Variants in RWDD2A observed in about 807,000 individuals in gnomAD.
The protein encoded by RWDD2A is RWD domain-containing protein 2A.
Under a neutral mutation model 23.1 loss-of-function variants are expected in RWDD2A, and 15 were observed. The observed-to-expected ratio is 0.65, with a 90% CI of 0.43 to 1.00. The LOEUF (loss-of-function observed/expected upper bound fraction) is 1.00. Ranked by LOEUF, RWDD2A falls within the 50% of genes least tolerant of loss-of-function variation. The probability of loss-of-function intolerance (pLI) is 0.00; values close to 1 mark genes in which losing one functional copy is unlikely to be tolerated. For missense variants in RWDD2A, 310 were observed against 341.7 expected, an observed-to-expected ratio of 0.91 and a Z score of 0.73; for synonymous variants, 103 against 123.0, an observed-to-expected ratio of 0.84 and a Z score of 1.08.
In RWDD2A at chr6:83,196,295, C is replaced by T; in HGVS notation, c.*23C>T. On this transcript the variant is annotated 3_prime_UTR_variant, in exon 3 of 3. Transcript: ENST00000369724. ...TAAAAAGCGATTAAGAGGCCTATGC[C>T]TGTAATTTCACTAAGTCAGTATTTC... 6.7e-7 allele frequency: 1 copy of T among 1,496,566 alleles called. No homozygotes were observed. The highest frequency in any genetic ancestry group is 8.9e-7 in the Non-Finnish European group (1 of 1,120,128). 92.7% of individuals were successfully genotyped at this position (1,496,566 alleles called of 1,614,324 possible).
intron 2 of RWDD2A, among the ~76,000 whole-genome samples, chr6:83,195,079 T>A (rs1455752453): frequency 6.6e-6 from 1 of 152,254 alleles, no homozygotes; most frequent in Non-Finnish European, 1.5e-5. Flanking sequence ...TACCTCCATC[T>A]TCTGATCCAT....
At chr6:83,194,142 C>T (rs765778388) in intron 1 of RWDD2A, among the ~76,000 whole-genome samples, 170 bp from the exon 2 acceptor site, 2 of 151,976 alleles carry the variant, frequency 1.3e-5, no homozygotes, top group Non-Finnish European at 2.9e-5. Flanking sequence ...TTCCAAACAC[C>T]TGTTGAAAGT....
intron 2 of RWDD2A, 36 bp from the exon 3 acceptor site, chr6:83,195,559 T>A (rs755203605): frequency 6.4e-7 from 1 of 1,554,636 alleles, no homozygotes; most frequent in Non-Finnish European, 8.8e-7. Context: ...TTATGTGATG[T>A]TATGGTATTT....
Position 83,196,353 on chromosome 6 carries a change from C to T in RWDD2A, c.*81C>T, listed in dbSNP as rs1789588738. The T allele has an allele frequency of 1.7e-6, 2 of 1,201,408 alleles. No individual in the cohort carries two copies. Among genetic ancestry groups the T allele is most frequent in the East Asian group, 2.4e-5 (1 of 41,086 alleles). 74.4% of individuals were successfully genotyped at this position (1,201,408 alleles called of 1,614,324 possible). On this transcript the variant is annotated 3_prime_UTR_variant, in exon 3 of 3. Transcript: ENST00000369724. Reference sequence around the variant, plus strand: ...AAGACCAAATTAAAAAGGCTAGTGGCTGTGTAGCATCCTCAGTGCAAAACC... The same window carrying T: ...AAGACCAAATTAAAAAGGCTAGTGGTTGTGTAGCATCCTCAGTGCAAAACC...
rs1789620623 is a variant in RWDD2A, at chr6:83,197,220, T to C, written c.*948T>C. The C allele has an allele frequency of 6.6e-6, 1 of 152,232 alleles. No homozygotes were observed. The highest frequency in any genetic ancestry group is 2.1e-4 in the South Asian group (1 of 4,828). The allele number at this position is 152,232 out of a possible 1,614,324, so 9.4% of individuals were successfully genotyped here. ...ACATGGTTCCTTGTCTACAAAGTAT[T>C]CGCCTGTTTCAATCCAACCTTTGCC... is the stretch of plus-strand genomic sequence containing the variant. On this transcript the variant is annotated 3_prime_UTR_variant, in exon 3 of 3. Coordinates refer to ENST00000369724, the MANE Select transcript of RWDD2A (RefSeq NM_033411.5).
At position 83,194,507 on chromosome 6, in the gene RWDD2A, T is replaced by A. The variant is rs934426760; in HGVS notation, c.56T>A (p.Leu19Gln). 9.9e-6 allele frequency: 16 copies of A among 1,613,958 alleles called. No homozygotes were observed. The highest frequency in any genetic ancestry group is 1.4e-5 in the Non-Finnish European group (16 of 1,180,012). Reference sequence around the variant, plus strand: ...CTTCAGCTACTGGAGATGGAAATGCTGTTTTCTATGTTTCCTAACCAAGGA... The same window carrying A: ...CTTCAGCTACTGGAGATGGAAATGCAGTTTTCTATGTTTCCTAACCAAGGA... ...LQLQLLEMEM[L>Q]FSMFPNQGEV... The change falls in exon 2 of 3, where the codon CTG becomes CAG. Residue 19 changes from leucine to glutamine, a missense_variant. Physicochemically the swap from Leu to Gln is moderately radical, Grantham distance 113 (BLOSUM62 -2). Coordinates refer to ENST00000369724, the MANE Select transcript of RWDD2A (RefSeq NM_033411.5).
Position 83,196,534 on chromosome 6 carries a change from T to C in RWDD2A, c.*262T>C. On this transcript the variant is annotated 3_prime_UTR_variant, in exon 3 of 3. Transcript: ENST00000369724. ...TTGTAAATTAATAAAAACAATCCATTTAACTTGTGAAGCTGATTTGATTGA... is the reference window on the plus strand; with the variant it reads ...TTGTAAATTAATAAAAACAATCCATCTAACTTGTGAAGCTGATTTGATTGA... 1 of 235,432 alleles carries C rather than the reference T, an allele frequency of 4.2e-6. No homozygotes were observed. The highest frequency in any genetic ancestry group is 8.1e-6 in the Non-Finnish European group (1 of 123,006). The allele number at this position is 235,432 out of a possible 1,614,324, so 14.6% of individuals were successfully genotyped here. A position where few individuals can be genotyped will look rare whatever the true frequency, so the allele number is the denominator to read the frequency against.
In RWDD2A at chr6:83,196,469, T is replaced by C. The variant is rs997957086; in HGVS notation, c.*197T>C. ...TTATAACATTGCAATTGTGATGTTA[T>C]CTCTAGGTTTTTGTGTGAAGTCATT... is the stretch of plus-strand genomic sequence containing the variant. On this transcript the variant is annotated 3_prime_UTR_variant, in exon 3 of 3. Transcript: ENST00000369724. 5.5e-6 allele frequency: 2 copies of C among 362,338 alleles called. No individual in the cohort carries two copies. Among genetic ancestry groups the C allele is most frequent in the Admixed American group, 4.6e-5 (1 of 21,926 alleles). The allele number at this position is 362,338 out of a possible 1,614,324, so 22.4% of individuals were successfully genotyped here.
rs917251591 is a variant in RWDD2A at position 83,193,409 on chromosome 6, G to A, written c.-175G>A. 2 of 152,290 alleles carry A rather than the reference G, an allele frequency of 1.3e-5. No homozygotes were observed. The highest frequency in any genetic ancestry group is 2.4e-5 in the African/African-American group (1 of 41,472). The allele number at this position is 152,290 out of a possible 1,614,324, so 9.4% of individuals were successfully genotyped here. Reference sequence around the variant, plus strand: ...GAACTGCGGCTGCGGTTCCGAGCGGGGTCTGGGGCTGTTACCATTGAGTGA... The same window carrying A: ...GAACTGCGGCTGCGGTTCCGAGCGGAGTCTGGGGCTGTTACCATTGAGTGA... On this transcript the variant is annotated 5_prime_UTR_variant, in exon 1 of 3. Transcript: ENST00000369724.
In RWDD2A at chr6:83,196,124, A is replaced by G; in HGVS notation, c.731A>G (p.Glu244Gly). 1 of 1,614,096 alleles carries G rather than the reference A, an allele frequency of 6.2e-7. No homozygotes were observed. The highest frequency in any genetic ancestry group is 1.1e-5 in the South Asian group (1 of 91,050). Reference sequence around the variant, plus strand: ...CTGCGCCTTTTCCATTCTTTTGAAGAGTTACTCCTTGAGGCTCATGGTGAC... The same window carrying G: ...CTGCGCCTTTTCCATTCTTTTGAAGGGTTACTCCTTGAGGCTCATGGTGAC... ...EDLRLFHSFE[E>G]LLLEAHGDYG... Residue 244 changes from glutamate (E) to glycine (G), a missense_variant, in exon 3 of 3, where the codon GAG becomes GGG. Coordinates refer to ENST00000369724, the MANE Select transcript of RWDD2A (RefSeq NM_033411.5).
Position 83,198,050 on chromosome 6 carries a change from G to C in RWDD2A, c.*1778G>C, listed in dbSNP as rs1245076892. The C allele has an allele frequency of 6.6e-6, 1 of 152,186 alleles. No individual in the cohort carries two copies. The highest frequency in any genetic ancestry group is 1.5e-5 in the Non-Finnish European group (1 of 68,044). 9.4% of individuals were successfully genotyped at this position (152,186 alleles called of 1,614,324 possible). A position where few individuals can be genotyped will look rare whatever the true frequency, so the allele number is the denominator to read the frequency against. ...AAGAAATAGGACTTACATTGCCAAG[G>C]AATCACTTCTTAATGTTTGCCAGCA... On this transcript the variant is annotated 3_prime_UTR_variant, in exon 3 of 3. Transcript: ENST00000369724.
At chr6:83,195,202 T>G (rs1274955017) in intron 2 of RWDD2A, among the ~76,000 whole-genome samples, 2 of 152,248 alleles carry the variant, frequency 1.3e-5, no homozygotes, top group African/African-American at 4.8e-5. Context: ...CAGAGGAGAC[T>G]TTCTGGTTCT....
At position 83,195,858 on chromosome 6, in the gene RWDD2A, C is replaced by T. The variant is rs1212084911; in HGVS notation, c.465C>T (p.Phe155=). 6 of 1,614,060 alleles carry T rather than the reference C, an allele frequency of 3.7e-6. No individual in the cohort carries two copies. In the Admixed American group the frequency reaches 6.7e-5, roughly 18 times the overall value. ...STQAKPVKNT[F]LRMWIYSHHI... ...AAGCAAAGCCAGTCAAGAACACATT[C>T]CTCCGAATGTGGATCTACAGTCACC... The change falls in exon 3 of 3, where the codon TTC becomes TTT. Residue 155 remains phenylalanine (F), a synonymous_variant. Transcript: ENST00000369724.
intron 2 of RWDD2A, among the ~76,000 whole-genome samples, chr6:83,195,358 A>T (rs1375779086): frequency 2.0e-5 from 3 of 152,214 alleles, no homozygotes; most frequent in Non-Finnish European, 4.4e-5. Context: ...CCTGGACTTC[A>T]TGAAGGGCAA....
intron 2 of RWDD2A, 95 bp downstream of exon 2, chr6:83,194,747 C>T: frequency 1.1e-6 from 1 of 895,620 alleles, no homozygotes; most frequent in Admixed American, 2.4e-5. Context: ...AGAAATATTC[C>T]AGGTGCATAT....
rs1327796035 is a variant in RWDD2A, at chr6:83,196,038, T to C, written c.645T>C (p.Asn215=). 3.1e-6 allele frequency: 5 copies of C among 1,613,756 alleles called. No homozygotes were observed. Among genetic ancestry groups the C allele is most frequent in the Non-Finnish European group, 4.2e-6 (5 of 1,179,850 alleles). Residue 215 remains asparagine, a synonymous_variant, in exon 3 of 3, where the codon AAT becomes AAC. Coordinates refer to ENST00000369724, the MANE Select transcript of RWDD2A (RefSeq NM_033411.5). ...EEFWHTIRYP[N]WKHISCKHAE... ...TCTGGCACACAATTAGGTACCCCAA[T>C]TGGAAGCACATTTCCTGTAAGCATG...
In RWDD2A at chr6:83,195,896, A is replaced by T; in HGVS notation, c.503A>T (p.Gln168Leu). 1 of 1,614,220 alleles carries T rather than the reference A, an allele frequency of 6.2e-7. No homozygotes were observed. Among genetic ancestry groups the T allele is most frequent in the Non-Finnish European group, 8.5e-7 (1 of 1,180,044 alleles). ...ATCTACAGTCACCATATATATCAGC[A>T]GGACCTAAGGAAAAAGATTTTGGAT... is the stretch of plus-strand genomic sequence containing the variant. Reference protein sequence around the residue: ...MWIYSHHIYQQDLRKKILDVG... With the variant: ...MWIYSHHIYQLDLRKKILDVG... The change falls in exon 3 of 3, where the codon CAG becomes CTG. Residue 168 changes from glutamine to leucine, a missense_variant. Physicochemically the swap from Gln to Leu is moderately radical, Grantham distance 113 (BLOSUM62 -2). Coordinates refer to ENST00000369724, the MANE Select transcript of RWDD2A (RefSeq NM_033411.5).
Position 83,195,849 on chromosome 6 carries a change from G to C in RWDD2A, c.456G>C (p.Lys152Asn). Residue 152 changes from lysine to asparagine, a missense_variant, in exon 3 of 3, where the codon AAG (lysine) becomes AAC (asparagine). Lys to Asn is a moderately conservative substitution (Grantham distance 94). Transcript: ENST00000369724. ...YEPSTQAKPV[K>N]NTFLRMWIYS... ...CATCTACACAAGCAAAGCCAGTCAA[G>C]AACACATTCCTCCGAATGTGGATCT... 6.2e-7 allele frequency: 1 copy of C among 1,614,188 alleles called. No individual in the cohort carries two copies. Among genetic ancestry groups the C allele is most frequent in the Non-Finnish European group, 8.5e-7 (1 of 1,180,044 alleles).
Position 83,195,662 on chromosome 6 carries a change from G to C in RWDD2A, c.269G>C (p.Arg90Pro), listed in dbSNP as rs776308183. ...YPYVALQLFGRSSELDRHQQL... is the reference protein window; with the variant it reads ...YPYVALQLFGPSSELDRHQQL... ...TATGTAGCATTGCAGCTGTTTGGAC[G>C]GTCATCTGAACTTGACAGACATCAG... Residue 90 changes from arginine to proline, a missense_variant, in exon 3 of 3, where the codon CGG (arginine) becomes CCG (proline). Arg to Pro is a moderately radical substitution (Grantham distance 103). Coordinates refer to ENST00000369724, the MANE Select transcript of RWDD2A (RefSeq NM_033411.5). The C allele has an allele frequency of 6.2e-7, 1 of 1,614,108 alleles. No individual in the cohort carries two copies. Among genetic ancestry groups the C allele is most frequent in the Non-Finnish European group, 8.5e-7 (1 of 1,180,020 alleles).
Sources: allele counts gnomAD v4.1 joint callset (sites outside exome capture counted in the v4.1 genomes callset), GRCh38; gene constraint gnomAD v4.1.1; transcripts MANE v1.5; gene names NCBI Gene and HGNC (gene_info 2026-07-23, HGNC 2026-07-21).